The following PKD1L3 variants were observed in gnomAD, a reference collection of about 807,000 sequenced individuals.
PKD1L3 encodes polycystin-1-like protein 3.
A neutral mutation model predicts 184.1 loss-of-function variants in PKD1L3; 239 were observed. That is an observed-to-expected ratio of 1.30 (90% CI 1.17 to 1.45). PKD1L3 has a LOEUF of 1.45. PKD1L3 is among the 40% of genes most tolerant of loss of function. PKD1L3 has a pLI of 0.00. For missense variants in PKD1L3, 2,660 were observed against 2,067.2 expected (o/e 1.29, Z -5.56); for synonymous variants, 996 against 778.8 (o/e 1.28, Z -4.64).
intron 21 of PKD1L3, among the ~76,000 whole-genome samples, chr16:71,948,965 A>G (rs565297435): frequency 1.3e-5 from 2 of 152,154 alleles, no homozygotes; most frequent in East Asian, 3.9e-4. Flanking sequence ...TTTATTTTCC[A>G]TATCTAAAAG....
At chr16:71,994,270 C>A (rs1211403081) in intron 2 of PKD1L3, among the ~76,000 whole-genome samples, 2 of 152,120 alleles carry the variant, frequency 1.3e-5, no homozygotes, top group Non-Finnish European at 2.9e-5. Context: ...CTCCCACTTC[C>A]CTCTCTCTAC....
chr16:71,967,427 G>C, intron 14 of PKD1L3, 112 bp from the exon 15 acceptor site: 1 of 1,052,616 alleles, frequency 9.5e-7, no homozygotes. Context: ...AAGTCTTTCG[G>C]ATCTTAGACA....
At chr16:71,965,106 C>T (rs149597824) in intron 15 of PKD1L3, among the ~76,000 whole-genome samples, 1 of 152,104 alleles carries the variant, frequency 6.6e-6, no homozygotes, top group Non-Finnish European at 1.5e-5. Flanking sequence ...CCTTGGCCCC[C>T]CAAAGTGCTG....
chr16:71,992,380 T>C (rs2040621625), intron 3 of PKD1L3, among the ~76,000 whole-genome samples: 1 of 152,230 alleles, frequency 6.6e-6, no homozygotes, highest in Non-Finnish European at 1.5e-5. Flanking sequence ...AGTTTTACTA[T>C]GACACTTAAA....
chr16:71,934,213 G>A, intron 26 of PKD1L3, 88 bp from the exon 27 acceptor site: 4 of 1,258,958 alleles, frequency 3.2e-6, no homozygotes, highest in Non-Finnish European at 4.5e-6. Context: ...GATCGTGGCA[G>A]CCCTGAGTCC....
chr16:71,976,622 A>C (rs910904623), intron 11 of PKD1L3, among the ~76,000 whole-genome samples: 8 of 152,128 alleles, frequency 5.3e-5, no homozygotes, highest in Non-Finnish European at 1.0e-4. Flanking sequence ...ATTTTTTTAA[A>C]AAAGAAAAAA....
Position 71,930,063 on chromosome 16 carries a change from T to G in PKD1L3, c.5047A>C (p.Lys1683Gln), listed in dbSNP as rs1243095981. Residue 1683 changes from lysine to glutamine, a missense_variant, in exon 29 of 30, where the codon AAG (lysine) becomes CAG (glutamine). Physicochemically the swap from Lys to Gln is moderately conservative, Grantham distance 53. Transcript: ENST00000620267. ...TTTTAGTTACCTACCTTAAGCGACT[T>G]TCTTTCTTTTCCAAAGGCCATGAGA... The part of the protein sequence containing the change: ...AILMAFGKER[K>Q]SLKKEAALID... 2 of 1,548,936 alleles carry G rather than the reference T, an allele frequency of 1.3e-6. No individual in the cohort carries two copies. Among genetic ancestry groups the G allele is most frequent in the Non-Finnish European group, 1.7e-6 (2 of 1,146,040 alleles).
chr16:71,944,935 C>T (rs1041915293), intron 22 of PKD1L3, among the ~76,000 whole-genome samples: 5 of 150,164 alleles, frequency 3.3e-5, no homozygotes, highest in African/African-American at 7.3e-5. Flanking sequence ...CTACCTCAGG[C>T]GATCAACCCG....
chr16:71,997,997 G>C (rs117764199), intron 2 of PKD1L3, among the ~76,000 whole-genome samples: 7 of 152,064 alleles, frequency 4.6e-5, no homozygotes, highest in South Asian at 4.1e-4. Flanking sequence ...TGTGGAAAAT[G>C]GTGTCACCAA....
chr16:71,943,415 G>A (rs1198470293), intron 23 of PKD1L3, among the ~76,000 whole-genome samples: 2 of 150,796 alleles, frequency 1.3e-5, no homozygotes, highest in Non-Finnish European at 2.9e-5. Context: ...GTCTGTGCCT[G>A]TAATCCCAGC....
At chr16:71,947,021 C>T (rs938629696) in intron 22 of PKD1L3, among the ~76,000 whole-genome samples, 10 of 151,328 alleles carry the variant, frequency 6.6e-5, no homozygotes, top group East Asian at 1.9e-4. Context: ...CTTGGGAGGC[C>T]GAGGAGAGTG....
chr16:71,951,705 T>A lies in PKD1L3; in HGVS notation c.3049A>T (p.Thr1017Ser). Residue 1017 changes from threonine to serine, a missense_variant, in exon 19 of 30, where the codon ACA becomes TCA. Coordinates refer to ENST00000620267, the MANE Select transcript of PKD1L3 (RefSeq NM_181536.2). The part of the protein sequence containing the change: ...ETVRFLLRRN[T>S]YLLSKCEQPP... ...TGCTCACACTTGGAGAGTAGGTATG[T>A]ATTTCTCCTGAGCAGGAATCTCACA... 12 of 1,551,510 alleles carry A rather than the reference T, an allele frequency of 7.7e-6. No homozygotes were observed. Among genetic ancestry groups the A allele is most frequent in the Non-Finnish European group, 1.0e-5 (12 of 1,146,930 alleles).
At chr16:71,958,141 A>G (rs1170153230) in intron 16 of PKD1L3, among the ~76,000 whole-genome samples, 1 of 152,136 alleles carries the variant, frequency 6.6e-6, no homozygotes, top group Non-Finnish European at 1.5e-5. Context: ...TAATCCCAGC[A>G]CTTTGGGAGG....
chr16:71,948,803 T>TAAAAAAAAAAAAA lies in PKD1L3; in HGVS notation c.3618+967_3618+979dup, dbSNP rs57129483. On this transcript the variant is annotated intron_variant, in intron 21 of 29. Transcript: ENST00000620267. ...AATTTATATCTTAACTTACATATAG[T>TAAAAAAAAAAAAA]AAAAAAAAAAAAAAAAAAAAAAGTC... Among the ~76,000 whole-genome samples, 42 of 81,190 alleles carry TAAAAAAAAAAAAA rather than the reference T, an allele frequency of 5.2e-4. 2 individuals carry two copies. The highest frequency in any genetic ancestry group is 0.012 in the Middle Eastern group (1 of 86). 53.3% of individuals were successfully genotyped at this position (81,190 alleles called of 152,430 possible).
intron 22 of PKD1L3, among the ~76,000 whole-genome samples, chr16:71,945,437 G>T (rs2038565763): frequency 6.8e-6 from 1 of 146,526 alleles, no homozygotes; most frequent in South Asian, 2.1e-4. Context: ...TATATGTATT[G>T]GGAGGCCAAG....
intron 28 of PKD1L3, among the ~76,000 whole-genome samples, chr16:71,932,338 T>G (rs564438722): frequency 6.6e-6 from 1 of 152,320 alleles, no homozygotes; most frequent in South Asian, 2.1e-4. Flanking sequence ...CTTTATATGT[T>G]GAGGAGGAAG....
rs750185222 is a variant in PKD1L3 at position 71,929,580 on chromosome 16, T to A, written c.5157A>T (p.Thr1719=). The A allele has an allele frequency of 6.4e-7, 1 of 1,551,810 alleles. No homozygotes were observed. The highest frequency in any genetic ancestry group is 8.7e-7 in the Non-Finnish European group (1 of 1,147,006). ...AAACTTCAGTGTCACTGCCCACTGCTGTCGTGGCTGCTTGCTCAGATGAGG... is the reference window on the plus strand; with the variant it reads ...AAACTTCAGTGTCACTGCCCACTGCAGTCGTGGCTGCTTGCTCAGATGAGG... ...QKTSSEQAAT[T]AVGSDTEVLD... The change falls in exon 30 of 30, where the codon ACA becomes ACT. Residue 1719 remains threonine, a synonymous_variant. Transcript: ENST00000620267.
intron 16 of PKD1L3, among the ~76,000 whole-genome samples, chr16:71,961,567 AT>A (rs2039280675): frequency 1.1e-4 from 5 of 44,354 alleles, no homozygotes; most frequent in Admixed American, 7.2e-4. Context: ...GAAGCCATAC[AT>A]AGGTGCTTTG....
intron 10 of PKD1L3, 40 bp downstream of exon 10, chr16:71,978,215 C>A: frequency 6.5e-7 from 1 of 1,527,962 alleles, no homozygotes; most frequent in Non-Finnish European, 8.9e-7. Flanking sequence ...GCAGAATATC[C>A]CATTCTCTTC....
Sources: allele counts gnomAD v4.1 joint callset (sites outside exome capture counted in the v4.1 genomes callset), GRCh38; gene constraint gnomAD v4.1.1; transcripts MANE v1.5; gene names NCBI Gene and HGNC (gene_info 2026-07-23, HGNC 2026-07-21).